Variants in PRELID2 observed in about 807,000 individuals in gnomAD.
PRELID2 encodes PRELI domain-containing protein 2.
In PRELID2, 25 loss-of-function variants were observed where a neutral mutation model predicts 28.4. That is an observed-to-expected ratio of 0.88 (90% CI 0.64 to 1.23). PRELID2 has a LOEUF of 1.23. PRELID2 is among the 50% of genes most tolerant of loss of function. The pLI is 0.00. For missense variants in PRELID2, 201 were observed against 214.4 expected, an observed-to-expected ratio of 0.94 and a Z score of 0.39; for synonymous variants, 76 against 71.6, an observed-to-expected ratio of 1.06 and a Z score of -0.31.
At chr5:145,640,601 G>A (rs1394690396) in intron 1 of PRELID2, among the ~76,000 whole-genome samples, 3 of 147,478 alleles carry the variant, frequency 2.0e-5, no homozygotes, top group Non-Finnish European at 3.0e-5. Context: ...CCGAGATCGC[G>A]CCACTGCACC....
chr5:145,254,583 A>G, the PRELID2 span, among the ~76,000 whole-genome samples: 36,779 of 151,948 alleles, frequency 0.24, 5,474 homozygotes, highest in Non-Finnish European at 0.31. Context: ...GAACTGAGAG[A>G]AACCCTACAG....
intron 1 of PRELID2, among the ~76,000 whole-genome samples, chr5:145,514,494 T>C (rs531945907): frequency 6.6e-6 from 1 of 152,130 alleles, no homozygotes; most frequent in Non-Finnish European, 1.5e-5. Context: ...CCCAGATTGA[T>C]AAAGCAAGTT....
the PRELID2 span, among the ~76,000 whole-genome samples, chr5:145,277,381 C>T: frequency 6.6e-6 from 1 of 152,024 alleles, no homozygotes. Context: ...TATTTGATGC[C>T]TCTGAAACTT....
chr5:145,533,468 T>C (rs1752672495), intron 1 of PRELID2, among the ~76,000 whole-genome samples: 3 of 152,080 alleles, frequency 2.0e-5, no homozygotes, highest in Admixed American at 2.0e-4. Flanking sequence ...AAAATCAAGG[T>C]GGAATAACTC....
At chr5:145,250,873 C>T in the PRELID2 span, among the ~76,000 whole-genome samples, 1 of 152,064 alleles carries the variant, frequency 6.6e-6, no homozygotes, top group African/African-American at 2.4e-5. Context: ...AACAGTTCAC[C>T]CTTATATCTG....
the PRELID2 span, among the ~76,000 whole-genome samples, chr5:145,323,929 A>T: frequency 3.9e-5 from 6 of 152,286 alleles, no homozygotes; most frequent in East Asian, 1.2e-3. Context: ...GAACATACAC[A>T]TGCATGTGTC....
At chr5:145,379,153 A>G in the PRELID2 span, among the ~76,000 whole-genome samples, 343 of 152,266 alleles carry the variant, frequency 2.3e-3, 2 homozygotes, top group African/African-American at 7.9e-3. Flanking sequence ...ACTGGGTCCC[A>G]ACTTTGTTCT....
intron 1 of PRELID2, chr5:145,729,061 G>A (rs1756258655): frequency 1.6e-6 from 1 of 613,554 alleles, no homozygotes; most frequent in Admixed American, 2.7e-5. Context: ...AATGCCTTAA[G>A]AAATTCAAGT....
At chr5:145,653,316 C>A (rs1754332935) in intron 1 of PRELID2, among the ~76,000 whole-genome samples, 1 of 152,110 alleles carries the variant, frequency 6.6e-6, no homozygotes, top group African/African-American at 2.4e-5. Flanking sequence ...CTTTAACACC[C>A]CACTGTCAAT....
chr5:145,552,963 G>T (rs1580975725), intron 1 of PRELID2, among the ~76,000 whole-genome samples: 1 of 152,222 alleles, frequency 6.6e-6, no homozygotes, highest in East Asian at 1.9e-4. Flanking sequence ...GTTTGGATTA[G>T]CCAATAATAA....
the PRELID2 span, among the ~76,000 whole-genome samples, chr5:145,373,896 TACAACATATATA>T: frequency 3.7e-3 from 485 of 130,898 alleles, 9 homozygotes; most frequent in African/African-American, 0.014. Flanking sequence ...TATTATATAT[TACAACATATATA>T]ATATATATGA....
At chr5:145,368,410 C>A in the PRELID2 span, among the ~76,000 whole-genome samples, 1 of 151,852 alleles carries the variant, frequency 6.6e-6, no homozygotes, top group East Asian at 1.9e-4. Context: ...TTCGAGACAC[C>A]TCAAAGTCAC....
At chr5:145,418,218 A>T in the PRELID2 span, among the ~76,000 whole-genome samples, 2 of 152,158 alleles carry the variant, frequency 1.3e-5, no homozygotes, top group African/African-American at 4.8e-5. Context: ...ACTATAAAGC[A>T]CTTTTCAAAG....
At chr5:145,647,845 G>A (rs989301997) in intron 1 of PRELID2, among the ~76,000 whole-genome samples, 3 of 152,080 alleles carry the variant, frequency 2.0e-5, no homozygotes, top group Non-Finnish European at 4.4e-5. Flanking sequence ...ACCCTACTTT[G>A]GCTTGCCCTC....
At chr5:145,233,743 G>T in the PRELID2 span, among the ~76,000 whole-genome samples, 1 of 152,120 alleles carries the variant, frequency 6.6e-6, no homozygotes, top group Admixed American at 6.6e-5. Flanking sequence ...AGGGCACCTA[G>T]TATCACCCCC....
rs1757294149 is a variant in PRELID2, at chr5:145,757,504, G to A, written c.*3032C>T. ...TTGAAGACAGGAGGAGACTGGCCAG[G>A]TCTGTGAATTAACCCTTTCCCACTC... On this transcript the variant is annotated 3_prime_UTR_variant, in exon 7 of 7. Transcript: ENST00000683046. Among the ~76,000 whole-genome samples, 1 of 152,142 alleles carries A rather than the reference G, an allele frequency of 6.6e-6. No homozygotes were observed. Among genetic ancestry groups the A allele is most frequent in the Admixed American group, 6.6e-5 (1 of 15,258 alleles).
rs113437623 is a variant in PRELID2, at chr5:145,719,712, G to A, written n.70+45219C>T. Among the ~76,000 whole-genome samples, 219 of 151,906 alleles carry A rather than the reference G, an allele frequency of 1.4e-3. 2 individuals are homozygous for A. The highest frequency in any genetic ancestry group is 4.8e-3 in the African/African-American group (198 of 41,484). On this transcript the variant is annotated intron_variant and non_coding_transcript_variant, in intron 1 of 2. Coordinates refer to the PRELID2 transcript ENST00000510259. ...GAATCTACATTTATACAAACCTACC[G>A]GAAGGATAAAATGGAAACCTAAAAT... is the stretch of plus-strand genomic sequence containing the variant.
the PRELID2 span, among the ~76,000 whole-genome samples, chr5:145,439,067 T>A: frequency 6.6e-6 from 1 of 152,128 alleles, no homozygotes. Flanking sequence ...AAACACTTCC[T>A]TGGTGATCCT....
chr5:145,310,107 A>G, the PRELID2 span, among the ~76,000 whole-genome samples: 12 of 152,236 alleles, frequency 7.9e-5, no homozygotes, highest in Non-Finnish European at 1.6e-4. Context: ...GACCACAAGA[A>G]TCCTGCCTTC....
Sources: allele counts gnomAD v4.1 joint callset (sites outside exome capture counted in the v4.1 genomes callset), GRCh38; gene constraint gnomAD v4.1.1; transcripts MANE v1.5; gene names NCBI Gene and HGNC (gene_info 2026-07-23, HGNC 2026-07-21).